The following CNOT6 variants were observed in gnomAD, a reference collection of about 807,000 sequenced individuals.
The protein encoded by CNOT6 is carbon catabolite repression 4 protein.
In CNOT6, 12 loss-of-function variants were observed where a neutral mutation model predicts 61.2. The ratio of observed to expected loss-of-function variants is 0.20; its 90% CI spans 0.13 to 0.32. CNOT6 has a LOEUF of 0.32. CNOT6 is among the 10% of genes least tolerant of loss of function. CNOT6 has a pLI of 1.00. For synonymous variants in CNOT6, 225 were observed against 240.6 expected (o/e 0.94, Z 0.60); for missense variants, 405 against 663.9 (o/e 0.61, Z 4.28).
intron 1 of CNOT6, among the ~76,000 whole-genome samples, chr5:180,523,776 GT>G (rs1285713752): frequency 1.3e-5 from 2 of 151,792 alleles, no homozygotes; most frequent in Admixed American, 1.3e-4. Flanking sequence ...ATTCCTGAAG[GT>G]TTTTTTTCTC....
intron 2 of CNOT6, among the ~76,000 whole-genome samples, chr5:180,544,223 A>G (rs1050421239): frequency 6.6e-6 from 1 of 152,228 alleles, no homozygotes. Flanking sequence ...GGGCAGGCAC[A>G]TGCTATTATT....
intron 2 of CNOT6, among the ~76,000 whole-genome samples, chr5:180,543,041 AT>A (rs1759124006): frequency 6.6e-6 from 1 of 152,074 alleles, no homozygotes; most frequent in African/African-American, 2.4e-5. Context: ...TAAACTCTGA[AT>A]TTTTTTAAAT....
intron 1 of CNOT6, among the ~76,000 whole-genome samples, chr5:180,517,458 G>A (rs1177964671): frequency 6.7e-6 from 1 of 150,078 alleles, no homozygotes; most frequent in East Asian, 2.0e-4. Context: ...AATGTCGAAT[G>A]GGAATTATAA....
At chr5:180,569,390 T>C (rs190601258) in intron 10 of CNOT6, 50 bp downstream of exon 10, 1 of 1,357,834 alleles carries the variant, frequency 7.4e-7, no homozygotes, top group African/African-American at 1.4e-5. Flanking sequence ...CATAAGATGA[T>C]TTAGTAATGT....
At chr5:180,546,325 T>G (rs1002445974) in intron 2 of CNOT6, among the ~76,000 whole-genome samples, 33 of 152,348 alleles carry the variant, frequency 2.2e-4, no homozygotes, top group East Asian at 1.9e-4. Context: ...TAATAAAGCT[T>G]CTTCTATTTT....
intron 1 of CNOT6, among the ~76,000 whole-genome samples, chr5:180,520,499 G>C (rs1757831879): frequency 6.6e-6 from 1 of 151,940 alleles, no homozygotes; most frequent in African/African-American, 2.4e-5. Flanking sequence ...AAAATTAGCT[G>C]GGCATGGTGG....
At chr5:180,558,795 T>C (rs1760030296) in intron 4 of CNOT6, among the ~76,000 whole-genome samples, 1 of 151,974 alleles carries the variant, frequency 6.6e-6, no homozygotes, top group Non-Finnish European at 1.5e-5. Context: ...TTTCACTAGC[T>C]CAGTATATTT....
In CNOT6 at chr5:180,578,237, A is replaced by G. The variant is rs1032578878; in HGVS notation, c.*4037A>G. The G allele has an allele frequency of 7.9e-5, 12 of 152,768 alleles. No individual in the cohort carries two copies. Among genetic ancestry groups the G allele is most frequent in the African/African-American group, 2.2e-4 (9 of 41,576 alleles). The allele number at this position is 152,768 out of a possible 1,614,324, so 9.5% of individuals were successfully genotyped here. Reference sequence around the variant, plus strand: ...TTTAGGCAACTGATGGTCCTTTTGCATTTAGGATTTTCGTTGTTGTTACCT... The same window carrying G: ...TTTAGGCAACTGATGGTCCTTTTGCGTTTAGGATTTTCGTTGTTGTTACCT... On this transcript the variant is annotated 3_prime_UTR_variant, in exon 12 of 12. Transcript: ENST00000261951.
chr5:180,549,854 C>G, intron 2 of CNOT6, 77 bp from the exon 3 acceptor site: 1 of 1,128,754 alleles, frequency 8.9e-7, no homozygotes, highest in South Asian at 1.6e-5. Flanking sequence ...ATAAAAACAT[C>G]TAAATCTTAC....
chr5:180,527,119 A>G (rs1288491950), intron 1 of CNOT6, among the ~76,000 whole-genome samples: 4 of 152,156 alleles, frequency 2.6e-5, no homozygotes, highest in Non-Finnish European at 5.9e-5. Context: ...AAGCCTCACA[A>G]AAGTGCTGGG....
chr5:180,541,441 ATTTTT>A (rs1163850404), intron 2 of CNOT6, among the ~76,000 whole-genome samples: 2 of 106,538 alleles, frequency 1.9e-5, no homozygotes, highest in African/African-American at 8.2e-5. Flanking sequence ...TGGCCAAGAA[ATTTTT>A]TTTTTTTTTT....
chr5:180,546,227 G>A (rs1056896651), intron 2 of CNOT6, among the ~76,000 whole-genome samples: 1 of 151,746 alleles, frequency 6.6e-6, no homozygotes, highest in Admixed American at 6.6e-5. Context: ...TATTTCTATG[G>A]TTAAATTTAA....
At chr5:180,523,319 G>A (rs562454268) in intron 1 of CNOT6, among the ~76,000 whole-genome samples, 11 of 152,124 alleles carry the variant, frequency 7.2e-5, no homozygotes, top group Non-Finnish European at 2.9e-5. Context: ...TGCTTACTGG[G>A]GTGGGGCAGG....
intron 1 of CNOT6, among the ~76,000 whole-genome samples, chr5:180,505,649 G>A (rs529504609): frequency 4.7e-5 from 7 of 148,930 alleles, no homozygotes; most frequent in South Asian, 2.1e-4. Flanking sequence ...CCAGGTTTAC[G>A]CCATTCTCCT....
At chr5:180,570,189 C>T (rs759797909) in intron 10 of CNOT6, among the ~76,000 whole-genome samples, 2 of 152,128 alleles carry the variant, frequency 1.3e-5, no homozygotes, top group Non-Finnish European at 1.5e-5. Context: ...GAAACCCCAT[C>T]TGTACTGAAA....
chr5:180,505,278 C>G, intron 1 of CNOT6, among the ~76,000 whole-genome samples: 1 of 57,262 alleles, frequency 1.7e-5, no homozygotes, highest in Non-Finnish European at 3.4e-5. Context: ...TTTTTTGAGA[C>G]GGAGTCTGGC....
At chr5:180,552,361 T>A (rs549079965) in intron 3 of CNOT6, among the ~76,000 whole-genome samples, 1 of 151,218 alleles carries the variant, frequency 6.6e-6, no homozygotes, top group Non-Finnish European at 1.5e-5. Flanking sequence ...ACAAATAGGC[T>A]GGGCACGATG....
chr5:180,530,776 A>G (rs1283993892), intron 2 of CNOT6, among the ~76,000 whole-genome samples: 1 of 152,078 alleles, frequency 6.6e-6, no homozygotes, highest in Non-Finnish European at 1.5e-5. Context: ...ACTCTTAAGG[A>G]GCATGCTGCC....
rs778882995 is a variant in CNOT6, at chr5:180,565,953, C to T, written c.693C>T (p.Cys231=). Residue 231 remains cysteine, a synonymous_variant, in exon 7 of 12, where the codon TGC becomes TGT. Transcript: ENST00000261951. ...CCATTATTCAAGAAATCTTGAGCTG[C>T]AATGCTGATATCGTAAGTCTTCAGG... is the stretch of plus-strand genomic sequence containing the variant. The part of the protein sequence containing the change: ...KKAIIQEILS[C]NADIVSLQEV... The T allele has an allele frequency of 1.2e-6, 2 of 1,613,524 alleles. No individual in the cohort carries two copies. Among genetic ancestry groups the T allele is most frequent in the Non-Finnish European group, 8.5e-7 (1 of 1,179,734 alleles).
Sources: allele counts gnomAD v4.1 joint callset (sites outside exome capture counted in the v4.1 genomes callset), GRCh38; gene constraint gnomAD v4.1.1; transcripts MANE v1.5; gene names NCBI Gene and HGNC (gene_info 2026-07-23, HGNC 2026-07-21).